The following CENPP variants were observed in gnomAD, a reference collection of about 807,000 sequenced individuals.
CENPP encodes the protein centromere protein P.
In CENPP, 24 loss-of-function variants were observed where a neutral mutation model predicts 35.6. The ratio of observed to expected loss-of-function variants is 0.67; its 90% confidence interval spans 0.49 to 0.95. The LOEUF (loss-of-function observed/expected upper bound fraction) is 0.95. Among genes scored for constraint, CENPP ranks in the 40% least tolerant of loss-of-function variants. The pLI is 0.00. For synonymous variants in CENPP, 120 were observed against 125.5 expected (o/e 0.96, Z 0.29); for missense variants, 332 against 345.3 (o/e 0.96, Z 0.31).
chr9:92,416,389 G>A (rs1843613834), intron 5 of CENPP, among the ~76,000 whole-genome samples: 1 of 151,996 alleles, frequency 6.6e-6, no homozygotes, highest in African/African-American at 2.4e-5. Flanking sequence ...ACAGGCATGA[G>A]CCACCACGCC....
intron 5 of CENPP, among the ~76,000 whole-genome samples, chr9:92,533,317 AAAAAAAAAAAAAT>A (rs1459551647): frequency 0.014 from 1,515 of 104,484 alleles, 5 homozygotes; most frequent in Middle Eastern, 0.02. Flanking sequence ...AAAAAAAAAA[AAAAAAAAAAAAAT>A]ATATATATAT....
At chr9:92,511,971 A>G in intron 5 of CENPP, 2 of 1,457,028 alleles carry the variant, frequency 1.4e-6, no homozygotes, top group East Asian at 2.3e-5. Flanking sequence ...GTCATAGTGA[A>G]GCCATTCATC....
At chr9:92,403,769 A>G (rs1843214308) in intron 5 of CENPP, 1 of 607,708 alleles carries the variant, frequency 1.6e-6, no homozygotes, top group Non-Finnish European at 2.1e-6. Context: ...GGATACCTGT[A>G]GTATAAATAG....
intron 5 of CENPP, among the ~76,000 whole-genome samples, chr9:92,567,373 G>GATATATATATATATAGAT (rs1849999538): frequency 7.7e-6 from 1 of 129,090 alleles, no homozygotes; most frequent in East Asian, 2.5e-4. Context: ...ACATAAGATA[G>GATATATATATATATAGAT]ATATATATAT....
intron 5 of CENPP, chr9:92,494,135 G>T (rs770293079): frequency 1.3e-6 from 2 of 1,597,382 alleles, no homozygotes; most frequent in South Asian, 1.1e-5. Context: ...CTCTAGAACA[G>T]CATCTGAAAC....
intron 4 of CENPP, among the ~76,000 whole-genome samples, chr9:92,346,331 A>G (rs1395063522): frequency 1.3e-5 from 2 of 152,122 alleles, no homozygotes; most frequent in African/African-American, 4.8e-5. Context: ...ACATGAAATC[A>G]TTTGCTGAAG....
At chr9:92,389,834 T>C in intron 5 of CENPP, 2 of 1,531,240 alleles carry the variant, frequency 1.3e-6, no homozygotes, top group Non-Finnish European at 1.8e-6. Context: ...CTATGCTTAG[T>C]TTTACTATAA....
intron 4 of CENPP, among the ~76,000 whole-genome samples, chr9:92,366,383 A>G (rs1841889776): frequency 6.6e-6 from 1 of 152,198 alleles, no homozygotes; most frequent in Admixed American, 6.5e-5. Context: ...AATCCTTCTC[A>G]GTGAAACCAG....
At chr9:92,480,786 T>C (rs760818034) in intron 5 of CENPP, among the ~76,000 whole-genome samples, 1 of 152,158 alleles carries the variant, frequency 6.6e-6, no homozygotes, top group Non-Finnish European at 1.5e-5. Flanking sequence ...TTTCAGCATA[T>C]AAATGTGATA....
chr9:92,484,104 C>T (rs138010536), intron 5 of CENPP, among the ~76,000 whole-genome samples: 34 of 152,214 alleles, frequency 2.2e-4, no homozygotes, highest in African/African-American at 7.9e-4. Flanking sequence ...CAGTCATAAA[C>T]AGGAAGCCCT....
intron 5 of CENPP, among the ~76,000 whole-genome samples, chr9:92,548,670 G>A (rs1849524889): frequency 6.6e-6 from 1 of 152,158 alleles, no homozygotes; most frequent in African/African-American, 2.4e-5. Flanking sequence ...AGTTAAGAAT[G>A]AAGTAACAAA....
intron 5 of CENPP, chr9:92,522,549 G>GTC (rs771860993): frequency 1.9e-6 from 3 of 1,548,346 alleles, no homozygotes; most frequent in Admixed American, 1.8e-5. Flanking sequence ...CCCTCTTTCT[G>GTC]TCTCTCTCTC....
At chr9:92,510,186 C>A in intron 5 of CENPP, 1 of 727,184 alleles carries the variant, frequency 1.4e-6, no homozygotes, top group Non-Finnish European at 2.1e-6. Context: ...CCTTATTCCC[C>A]CTGCCAGGTT....
At chr9:92,464,311 A>G (rs1333829838) in intron 5 of CENPP, among the ~76,000 whole-genome samples, 1 of 152,194 alleles carries the variant, frequency 6.6e-6, no homozygotes, top group African/African-American at 2.4e-5. Context: ...GGGTCACACA[A>G]AGCCATGATA....
intron 5 of CENPP, among the ~76,000 whole-genome samples, chr9:92,446,015 G>A (rs1042168436): frequency 4.0e-5 from 6 of 151,828 alleles, no homozygotes; most frequent in African/African-American, 1.2e-4. Context: ...TTCTACTTTC[G>A]CTTCTGTCAT....
At chr9:92,599,480 G>A (rs971657352) in intron 5 of CENPP, among the ~76,000 whole-genome samples, 1 of 152,076 alleles carries the variant, frequency 6.6e-6, no homozygotes, top group Middle Eastern at 3.4e-3. Context: ...GCAGTGGTGC[G>A]ATCTCGGCTC....
intron 5 of CENPP, among the ~76,000 whole-genome samples, chr9:92,602,333 C>T (rs1383703694): frequency 6.6e-6 from 1 of 152,152 alleles, no homozygotes; most frequent in Non-Finnish European, 1.5e-5. Context: ...CTTTTGGGAC[C>T]CTCACTGTCG....
intron 5 of CENPP, among the ~76,000 whole-genome samples, chr9:92,422,792 C>T (rs72752472): frequency 0.031 from 4,708 of 152,284 alleles, 113 homozygotes; most frequent in South Asian, 0.084. Context: ...TTACAACAAT[C>T]TCTTATTTTA....
chr9:92,477,668 G>A (rs1209178857), intron 5 of CENPP, among the ~76,000 whole-genome samples: 1 of 152,112 alleles, frequency 6.6e-6, no homozygotes, highest in African/African-American at 2.4e-5. Flanking sequence ...TCGTCAGAAT[G>A]CTGAATTTCT....
Sources: allele counts gnomAD v4.1 joint callset (sites outside exome capture counted in the v4.1 genomes callset), GRCh38; gene constraint gnomAD v4.1.1; transcripts MANE v1.5; gene names NCBI Gene and HGNC (gene_info 2026-07-23, HGNC 2026-07-21).